PLS1: variants seen among roughly 807,000 people sequenced by gnomAD.
PLS1 encodes the protein plastin-1.
Under a neutral mutation model 73.7 loss-of-function variants are expected in PLS1, and 32 were observed. The observed-to-expected ratio is 0.43, with a 90% CI of 0.33 to 0.58. The LOEUF is 0.58. Among genes scored for constraint, PLS1 ranks in the 20% least tolerant of loss-of-function variants. The pLI is 0.04. For synonymous variants in PLS1, 217 were observed against 261.3 expected (o/e 0.83, Z 1.63); for missense variants, 633 against 740.5 (o/e 0.85, Z 1.68).
chr3:142,682,946 A>G (rs534012179), intron 6 of PLS1, among the ~76,000 whole-genome samples: 4 of 152,256 alleles, frequency 2.6e-5, no homozygotes, highest in Non-Finnish European at 5.9e-5. Context: ...TTTCAGGAGA[A>G]CTATATTTAA....
intron 12 of PLS1, among the ~76,000 whole-genome samples, chr3:142,701,432 G>A (rs1480790046): frequency 6.6e-6 from 1 of 152,174 alleles, no homozygotes; most frequent in East Asian, 1.9e-4. Context: ...TTGTGTTGGT[G>A]CTCAAAAAGT....
chr3:142,712,042 T>C lies in PLS1; in HGVS notation c.*35T>C. ...ATGATTTTCTGCCACATTAAACATA[T>C]TGTATGCCTCACAGTTTACAGGATT... On this transcript the variant is annotated 3_prime_UTR_variant, in exon 16 of 16. Coordinates refer to ENST00000457734, the MANE Select transcript of PLS1 (RefSeq NM_001145319.2). 6.3e-7 allele frequency: 1 copy of C among 1,583,602 alleles called. No individual in the cohort carries two copies. The highest frequency in any genetic ancestry group is 8.7e-7 in the Non-Finnish European group (1 of 1,152,930).
intron 1 of PLS1, among the ~76,000 whole-genome samples, chr3:142,597,558 T>G (rs2035835402): frequency 6.6e-6 from 1 of 152,194 alleles, no homozygotes; most frequent in South Asian, 2.1e-4. Flanking sequence ...CCCCCCTTCA[T>G]TCCTCCCATG....
Position 142,632,180 on chromosome 3 carries a change from A to T in PLS1, c.-36-32022A>T, listed in dbSNP as rs543699946. Among the ~76,000 whole-genome samples the T allele has an allele frequency of 8.5e-5, 13 of 152,272 alleles. No homozygotes were observed. In the South Asian group the frequency reaches 2.5e-3, roughly 29 times the overall value. On this transcript the variant is annotated intron_variant, in intron 1 of 15. Transcript: ENST00000457734. ...CGACTTACAATTTTTTAACTTTATG[A>T]TAATGCAAAAATTATACACATTCAG...
intron 1 of PLS1, among the ~76,000 whole-genome samples, chr3:142,626,842 A>G (rs1034973284): frequency 1.3e-5 from 2 of 152,246 alleles, no homozygotes; most frequent in Admixed American, 1.3e-4. Flanking sequence ...CAACTGGGTT[A>G]TATAATCTGT....
At chr3:142,611,682 T>C (rs2036122677) in intron 1 of PLS1, among the ~76,000 whole-genome samples, 1 of 152,188 alleles carries the variant, frequency 6.6e-6, no homozygotes, top group Non-Finnish European at 1.5e-5. Flanking sequence ...TGTAGTGTTA[T>C]ATAGTATGTA....
intron 9 of PLS1, among the ~76,000 whole-genome samples, chr3:142,687,222 TAAAA>T (rs200366859): frequency 7.7e-6 from 1 of 129,730 alleles, no homozygotes; most frequent in East Asian, 2.2e-4. Flanking sequence ...GCTGATGAGC[TAAAA>T]AAAAAAAAAA....
At chr3:142,709,364 A>T (rs1201498639) in intron 14 of PLS1, among the ~76,000 whole-genome samples, 2 of 152,224 alleles carry the variant, frequency 1.3e-5, no homozygotes, top group African/African-American at 4.8e-5. Flanking sequence ...ATAGACTTAA[A>T]GGACCTAATT....
intron 4 of PLS1, among the ~76,000 whole-genome samples, chr3:142,675,682 C>T (rs111249286): frequency 0.018 from 2,734 of 149,250 alleles, 82 homozygotes; most frequent in African/African-American, 0.064. Flanking sequence ...ACCGTGCTCC[C>T]CGTTTTTTTT....
At chr3:142,610,594 G>T (rs2036104303) in intron 1 of PLS1, among the ~76,000 whole-genome samples, 1 of 152,054 alleles carries the variant, frequency 6.6e-6, no homozygotes, top group South Asian at 2.1e-4. Context: ...GTCTTAAAAT[G>T]GATATATTTG....
intron 1 of PLS1, among the ~76,000 whole-genome samples, chr3:142,612,985 C>T (rs1577773393): frequency 1.3e-5 from 2 of 152,152 alleles, no homozygotes; most frequent in Admixed American, 6.5e-5. Flanking sequence ...AGGCTGGTCT[C>T]GAACTCCCAA....
intron 1 of PLS1, among the ~76,000 whole-genome samples, chr3:142,609,651 A>C (rs564165089): frequency 1.7e-4 from 26 of 152,362 alleles, no homozygotes; most frequent in African/African-American, 5.8e-4. Context: ...TAGAGATAGA[A>C]AAGTGGACTG....
chr3:142,636,730 A>G (rs1290078582), intron 1 of PLS1, among the ~76,000 whole-genome samples: 3 of 152,242 alleles, frequency 2.0e-5, no homozygotes. Context: ...CTCACTAAGA[A>G]AACAAAATGC....
chr3:142,688,797 T>G (rs1389184956), intron 9 of PLS1, among the ~76,000 whole-genome samples: 4 of 152,240 alleles, frequency 2.6e-5, no homozygotes, highest in Admixed American at 2.6e-4. Flanking sequence ...TCATCTACTC[T>G]CCTGTTTATA....
At chr3:142,691,041 C>T (rs538278701) in intron 10 of PLS1, among the ~76,000 whole-genome samples, 1 of 152,188 alleles carries the variant, frequency 6.6e-6, no homozygotes, top group African/African-American at 2.4e-5. Flanking sequence ...TTCATTCTCT[C>T]ACAAAACTCA....
At chr3:142,608,557 C>T (rs988315817) in intron 1 of PLS1, among the ~76,000 whole-genome samples, 1 of 152,140 alleles carries the variant, frequency 6.6e-6, no homozygotes, top group Non-Finnish European at 1.5e-5. Context: ...ACTCACATAG[C>T]TTGTCAGTAG....
chr3:142,653,612 C>T (rs1415391717), intron 1 of PLS1, among the ~76,000 whole-genome samples: 1 of 152,124 alleles, frequency 6.6e-6, no homozygotes, highest in Admixed American at 6.6e-5. Flanking sequence ...GATCTGCCCA[C>T]CTTGACATCC....
chr3:142,636,795 T>C (rs1025013632), intron 1 of PLS1, among the ~76,000 whole-genome samples: 1 of 152,142 alleles, frequency 6.6e-6, no homozygotes, highest in Non-Finnish European at 1.5e-5. Context: ...GATATATGGA[T>C]GGGTAGATAA....
chr3:142,658,555 C>A (rs1022644970), intron 1 of PLS1, among the ~76,000 whole-genome samples: 1 of 151,856 alleles, frequency 6.6e-6, no homozygotes, highest in Non-Finnish European at 1.5e-5. Flanking sequence ...CATAGACCAC[C>A]ACTATTCTGA....
Sources: allele counts gnomAD v4.1 joint callset (sites outside exome capture counted in the v4.1 genomes callset), GRCh38; gene constraint gnomAD v4.1.1; transcripts MANE v1.5; gene names NCBI Gene and HGNC (gene_info 2026-07-23, HGNC 2026-07-21).